The following CACNA1C variants were observed in gnomAD, a reference collection of about 807,000 sequenced individuals.
CACNA1C encodes calcium voltage-gated channel subunit alpha1 C.
Under a neutral mutation model 229.0 loss-of-function variants are expected in CACNA1C, and 30 were observed. The observed-to-expected ratio is 0.13, with a 90% CI of 0.10 to 0.18. The LOEUF is 0.18. Ranked by LOEUF, CACNA1C falls within the 10% of genes least tolerant of loss-of-function variation. The pLI, the probability that CACNA1C is intolerant of heterozygous loss-of-function variation, is 1.00. For synonymous variants in CACNA1C, 1,114 were observed against 1,132.5 expected, an observed-to-expected ratio of 0.98 and a Z score of 0.33; for missense variants, 1,658 against 2,845.0, an observed-to-expected ratio of 0.58 and a Z score of 9.49.
intron 3 of CACNA1C, among the ~76,000 whole-genome samples, chr12:2,314,057 TC>T (rs931337439): frequency 6.6e-6 from 1 of 151,976 alleles, no homozygotes; most frequent in African/African-American, 2.4e-5. Flanking sequence ...TGTCTTATCC[TC>T]CCCCCCACTT....
intron 9 of CACNA1C, among the ~76,000 whole-genome samples, chr12:2,530,917 C>T (rs1231717331): frequency 6.6e-6 from 1 of 152,200 alleles, no homozygotes; most frequent in African/African-American, 2.4e-5. Flanking sequence ...GTATCCCTTC[C>T]AGTAAGAGTA....
chr12:2,534,601 C>T (rs943758687), intron 9 of CACNA1C, among the ~76,000 whole-genome samples: 2 of 152,196 alleles, frequency 1.3e-5, no homozygotes, highest in African/African-American at 2.4e-5. Context: ...CCTCCCCCAC[C>T]CCTGCAGCAA....
In CACNA1C at chr12:2,275,188, G is replaced by T. The variant is rs2087189682; in HGVS notation, c.477+154758G>T. Among the ~76,000 whole-genome samples the T allele has an allele frequency of 2.0e-5, 3 of 152,214 alleles. No individual in the cohort carries two copies. Among genetic ancestry groups the T allele is most frequent in the Admixed American group, 2.0e-4 (3 of 15,288 alleles). On this transcript the variant is annotated intron_variant, in intron 3 of 46. Coordinates refer to ENST00000399655, the MANE Select transcript of CACNA1C (RefSeq NM_000719.7). This position sits in a 1 kb window ranked among gnomAD's most constrained non-coding sequence, Gnocchi z 4.1. ...TTAGTTGTGGCAGTGTGTTTGGTGT[G>T]TAATCATTGTCCTGCTAGCTAGCAG... is the stretch of plus-strand genomic sequence containing the variant.
intron 3 of CACNA1C, among the ~76,000 whole-genome samples, chr12:2,299,968 T>C (rs574625753): frequency 6.6e-6 from 1 of 152,352 alleles, no homozygotes; most frequent in Non-Finnish European, 1.5e-5. Context: ...GTGTGTTCAC[T>C]GCCATCATCA....
rs1459649842 is a variant in CACNA1C at position 2,067,475 on chromosome 12, T to C, written c.49+13864T>C. ...GTGTGTGTGTGTGTGTGTGTGTGTG[T>C]GTGTGTGCGCGCGTGTGCGTGCCTG... On this transcript the variant is annotated intron_variant, in intron 1 of 46. Coordinates refer to ENST00000399655, the MANE Select transcript of CACNA1C (RefSeq NM_000719.7). The surrounding 1 kb of genome is among the most constrained non-coding windows in gnomAD (Gnocchi z 5.3). Among the ~76,000 whole-genome samples the C allele has an allele frequency of 1.5e-5, 2 of 134,072 alleles. No homozygotes were observed. The highest frequency in any genetic ancestry group is 2.7e-5 in the African/African-American group (1 of 37,072). The allele number at this position is 134,072 out of a possible 152,430, so 88.0% of individuals were successfully genotyped here.
intron 3 of CACNA1C, among the ~76,000 whole-genome samples, chr12:2,195,591 G>A (rs1054142828): frequency 2.6e-5 from 4 of 152,190 alleles, no homozygotes; most frequent in Middle Eastern, 3.2e-3. Flanking sequence ...CAAACTGAAT[G>A]GGGGTTAGGA....
chr12:2,607,267 A>T, intron 26 of CACNA1C, 137 bp downstream of exon 26: 9 of 807,356 alleles, frequency 1.1e-5, no homozygotes, highest in Admixed American at 2.9e-5. Flanking sequence ...CCAGGCAGTG[A>T]GGTGTATTTC....
intron 13 of CACNA1C, among the ~76,000 whole-genome samples, chr12:2,574,415 T>G (rs2057581852): frequency 2.6e-5 from 4 of 152,264 alleles, no homozygotes; most frequent in Admixed American, 2.0e-4. Flanking sequence ...CATCTCATTT[T>G]TGACACACTT....
chr12:2,223,023 C>G (rs1599657022), intron 3 of CACNA1C, among the ~76,000 whole-genome samples: 3 of 152,318 alleles, frequency 2.0e-5, no homozygotes, highest in African/African-American at 7.2e-5. Flanking sequence ...ATGTCACAAT[C>G]TTTACATACT....
intron 38 of CACNA1C, among the ~76,000 whole-genome samples, chr12:2,673,584 T>C (rs1427291406): frequency 6.6e-6 from 1 of 151,934 alleles, no homozygotes; most frequent in African/African-American, 2.4e-5. Context: ...CAGGCCATGG[T>C]CTCTTCTGGA....
Position 2,504,603 on chromosome 12 carries a change from G to C in CACNA1C, c.1114-239G>C. The C allele has an allele frequency of 1.0e-6, 1 of 989,144 alleles. No individual in the cohort carries two copies. Among genetic ancestry groups the C allele is most frequent in the Non-Finnish European group, 1.6e-6 (1 of 612,862 alleles). The allele number at this position is 989,144 out of a possible 1,614,324, so 61.3% of individuals were successfully genotyped here. ...CGAGCAAGGTCTCAGGTTCCACTCC[G>C]TACATGCCCGGGGTCCTCAGGGATG... is the stretch of plus-strand genomic sequence containing the variant. On this transcript the variant is annotated intron_variant, in intron 7 of 46. Transcript: ENST00000399655. This position sits in a 1 kb window ranked among gnomAD's most constrained non-coding sequence, Gnocchi z 6.8.
chr12:2,442,790 AAG>A (rs1201642282), intron 3 of CACNA1C, among the ~76,000 whole-genome samples: 5 of 152,196 alleles, frequency 3.3e-5, no homozygotes, highest in Non-Finnish European at 5.9e-5. Context: ...AGAACAGAGC[AAG>A]AGAGAGAATG....
At chr12:2,432,838 G>C (rs1332446432) in intron 3 of CACNA1C, among the ~76,000 whole-genome samples, 1 of 152,140 alleles carries the variant, frequency 6.6e-6, no homozygotes, top group African/African-American at 2.4e-5. Flanking sequence ...CTTCCAGCTA[G>C]AATGCTTGCT....
intron 3 of CACNA1C, among the ~76,000 whole-genome samples, chr12:2,380,396 T>C (rs1019235588): frequency 1.3e-5 from 2 of 152,146 alleles, no homozygotes; most frequent in Non-Finnish European, 2.9e-5. Context: ...ACCTGGACAA[T>C]GGTATTAGGA....
rs561776026 is a variant in CACNA1C, at chr12:2,181,422, A to C, written c.477+60992A>C. 2.0e-5 allele frequency among the ~76,000 whole-genome samples: 3 copies of C among 152,310 alleles called. No individual in the cohort carries two copies. The highest frequency in any genetic ancestry group is 2.0e-4 in the Admixed American group (3 of 15,306). Reference sequence around the variant, plus strand: ...ACAGAGTTAAGATCAACATGATCACAGCAGACTGACACGGCGAGCTGAAAC... The same window carrying C: ...ACAGAGTTAAGATCAACATGATCACCGCAGACTGACACGGCGAGCTGAAAC... On this transcript the variant is annotated intron_variant, in intron 3 of 46. Coordinates refer to ENST00000399655, the MANE Select transcript of CACNA1C (RefSeq NM_000719.7). The surrounding 1 kb of genome is among the most constrained non-coding windows in gnomAD (Gnocchi z 4.0).
intron 46 of CACNA1C, 184 bp from the exon 47 acceptor site, chr12:2,690,716 A>T: frequency 1.7e-6 from 1 of 595,274 alleles, no homozygotes; most frequent in Non-Finnish European, 2.9e-6. Context: ...TAATTCTGGC[A>T]GATGCTCCAT....
intron 3 of CACNA1C, among the ~76,000 whole-genome samples, chr12:2,339,551 C>T (rs1473104242): frequency 6.6e-6 from 1 of 152,208 alleles, no homozygotes; most frequent in Non-Finnish European, 1.5e-5. Flanking sequence ...GCTTAAAACA[C>T]AAACACACAG....
Position 2,630,692 on chromosome 12 carries a change from T to A in CACNA1C, c.3829-3605T>A, listed in dbSNP as rs2089982241. Reference sequence around the variant, plus strand: ...CCTGTTTGTGCCCAGACATGTACCCTCACCCACTGCATTCCAGCTCTGTGG... The same window carrying A: ...CCTGTTTGTGCCCAGACATGTACCCACACCCACTGCATTCCAGCTCTGTGG... On this transcript the variant is annotated intron_variant, in intron 29 of 46. Coordinates refer to ENST00000399655, the MANE Select transcript of CACNA1C (RefSeq NM_000719.7). This position sits in a 1 kb window ranked among gnomAD's most constrained non-coding sequence, Gnocchi z 5.4. 6.6e-6 allele frequency among the ~76,000 whole-genome samples: 1 copy of A among 152,180 alleles called. No homozygotes were observed. The highest frequency in any genetic ancestry group is 6.5e-5 in the Admixed American group (1 of 15,284).
Position 2,648,455 on chromosome 12 carries a change from C to G in CACNA1C, c.3913-20C>G. On this transcript the variant is annotated intron_variant, in intron 30 of 46. Transcript: ENST00000399655. The stretch of plus-strand genomic sequence containing the variant: ...ATGGGAGACTCATTACAGCTTATCT[C>G]TATCTGCCTTTCTTTAAAGCCAGCT... The G allele has an allele frequency of 6.2e-7, 1 of 1,613,152 alleles. No homozygotes were observed. The highest frequency in any genetic ancestry group is 1.1e-5 in the South Asian group (1 of 91,084).
Sources: allele counts gnomAD v4.1 joint callset (sites outside exome capture counted in the v4.1 genomes callset), GRCh38; gene constraint gnomAD v4.1.1; non-coding constraint Gnocchi (gnomAD v3.1); transcripts MANE v1.5; gene names NCBI Gene and HGNC (gene_info 2026-07-23, HGNC 2026-07-21).